Variants in RSPO2 observed in about 807,000 individuals in gnomAD.
The protein encoded by RSPO2 is R-spondin 2, also known as R-spondin-2.
A neutral mutation model predicts 30.9 loss-of-function variants in RSPO2; 14 were observed. The observed-to-expected ratio is 0.45, with a 90% CI of 0.30 to 0.71. RSPO2 has a LOEUF of 0.71. Ranked by LOEUF, RSPO2 falls within the 30% of genes least tolerant of loss-of-function variation. RSPO2 has a pLI of 0.08. For missense variants in RSPO2, 264 were observed against 301.9 expected, an observed-to-expected ratio of 0.87 and a Z score of 0.93; for synonymous variants, 107 against 96.4, an observed-to-expected ratio of 1.11 and a Z score of -0.64.
intron 2 of RSPO2, among the ~76,000 whole-genome samples, chr8:108,080,427 T>G (rs895761084): frequency 6.6e-6 from 1 of 152,238 alleles, no homozygotes; most frequent in African/African-American, 2.4e-5. Context: ...AAGGTTGATT[T>G]GGCATAAGTT....
At chr8:108,071,192 C>T (rs1586678533) in intron 2 of RSPO2, among the ~76,000 whole-genome samples, 1 of 152,192 alleles carries the variant, frequency 6.6e-6, no homozygotes. Context: ...AATTAAATTA[C>T]ACTAAACTTA....
intron 3 of RSPO2, among the ~76,000 whole-genome samples, chr8:107,967,893 GCT>G (rs1182740297): frequency 6.6e-6 from 1 of 152,094 alleles, no homozygotes; most frequent in African/African-American, 2.4e-5. Context: ...AGTCAGTGAA[GCT>G]CTCTTTGTCT....
chr8:108,033,240 T>C (rs1302718310), intron 2 of RSPO2, among the ~76,000 whole-genome samples: 1 of 152,126 alleles, frequency 6.6e-6, no homozygotes, highest in East Asian at 1.9e-4. Context: ...AAATTATTGA[T>C]CACCACCACC....
In RSPO2 at chr8:108,070,317, G is replaced by A. The variant is rs369864721; in HGVS notation, c.94+12228C>T. 8.3e-4 allele frequency among the ~76,000 whole-genome samples: 99 copies of A among 119,306 alleles called. 1 individual carries two copies. In the South Asian group the frequency reaches 0.025, roughly 30 times the overall value. The allele number at this position is 119,306 out of a possible 152,430, so 78.3% of individuals were successfully genotyped here. A position where few individuals can be genotyped will look rare whatever the true frequency, so the allele number is the denominator to read the frequency against. On this transcript the variant is annotated intron_variant, in intron 2 of 5. Coordinates refer to ENST00000276659, the MANE Select transcript of RSPO2 (RefSeq NM_178565.5). ...TTTTTTTTTTTTGAGACAGAGTCTC[G>A]CTCTGTCGCCCAGGCCGGACTGCGG...
chr8:108,054,765 G>T (rs1812190278), intron 2 of RSPO2, among the ~76,000 whole-genome samples: 4 of 152,252 alleles, frequency 2.6e-5, no homozygotes, highest in Admixed American at 2.0e-4. Flanking sequence ...TCCATTTTGT[G>T]CCCTAAGGCC....
chr8:107,987,330 T>C (rs1034293336), intron 3 of RSPO2, among the ~76,000 whole-genome samples: 1 of 152,224 alleles, frequency 6.6e-6, no homozygotes, highest in African/African-American at 2.4e-5. Context: ...AGAATTATCT[T>C]AAAGCAATCT....
chr8:107,947,815 A>T (rs1013061085), intron 5 of RSPO2, among the ~76,000 whole-genome samples: 2 of 152,210 alleles, frequency 1.3e-5, no homozygotes, highest in African/African-American at 2.4e-5. Context: ...CCATGGACAC[A>T]CTTCAGTCAG....
chr8:107,977,012 G>C (rs1033993337), intron 3 of RSPO2, among the ~76,000 whole-genome samples: 2 of 152,146 alleles, frequency 1.3e-5, no homozygotes, highest in Admixed American at 6.5e-5. Context: ...GAAAGTGTGG[G>C]AGGCAGAGAA....
At chr8:107,929,579 C>G (rs949593733) in intron 5 of RSPO2, among the ~76,000 whole-genome samples, 1 of 152,120 alleles carries the variant, frequency 6.6e-6, no homozygotes, top group African/African-American at 2.4e-5. Flanking sequence ...TAACTACAAG[C>G]TTGGAGAGCT....
In RSPO2 at chr8:107,900,093, A is replaced by G. The variant is rs950424278; in HGVS notation, c.*982T>C. ...CTGTAGCTGGCCTGTGAAACTGGCT[A>G]CAAGTGACTGGATATAGTCCCTCAT... On this transcript the variant is annotated 3_prime_UTR_variant, in exon 6 of 6. Transcript: ENST00000276659. 2 of 152,218 alleles carry G rather than the reference A, an allele frequency of 1.3e-5. No individual in the cohort carries two copies. The highest frequency in any genetic ancestry group is 1.9e-4 in the East Asian group (1 of 5,196). The allele number at this position is 152,218 out of a possible 1,614,324, so 9.4% of individuals were successfully genotyped here.
At chr8:108,050,312 G>T (rs549381300) in intron 2 of RSPO2, among the ~76,000 whole-genome samples, 4 of 152,052 alleles carry the variant, frequency 2.6e-5, no homozygotes, top group African/African-American at 9.7e-5. Flanking sequence ...GGTATGGATC[G>T]GTTAATTATA....
chr8:107,952,136 G>A (rs913286107), intron 5 of RSPO2, among the ~76,000 whole-genome samples: 1 of 152,138 alleles, frequency 6.6e-6, no homozygotes. Flanking sequence ...CCCTGACGCA[G>A]GAATTTCAGA....
chr8:107,967,486 C>T (rs749818953), intron 3 of RSPO2, among the ~76,000 whole-genome samples: 14 of 151,844 alleles, frequency 9.2e-5, no homozygotes, highest in Non-Finnish European at 1.6e-4. Flanking sequence ...TTTTGTAATA[C>T]AGTCAAGTAA....
At chr8:107,963,438 C>G (rs541797127) in intron 3 of RSPO2, among the ~76,000 whole-genome samples, 1 of 136,106 alleles carries the variant, frequency 7.3e-6, no homozygotes, top group Non-Finnish European at 1.5e-5. Flanking sequence ...GCAGGAGGAT[C>G]ACTTGAGCCC....
intron 2 of RSPO2, among the ~76,000 whole-genome samples, chr8:107,992,670 T>C (rs548938350): frequency 6.6e-6 from 1 of 152,132 alleles, no homozygotes; most frequent in African/African-American, 2.4e-5. Context: ...CAAGTCTACA[T>C]CTAAATGCAG....
intron 2 of RSPO2, among the ~76,000 whole-genome samples, chr8:108,064,350 A>G (rs902937740): frequency 1.3e-5 from 2 of 152,198 alleles, no homozygotes; most frequent in Admixed American, 1.3e-4. Context: ...ACCCCATCCA[A>G]AAGTGGGCAA....
chr8:107,906,165 T>C (rs1182900043), intron 5 of RSPO2, among the ~76,000 whole-genome samples: 1 of 151,844 alleles, frequency 6.6e-6, no homozygotes, highest in Non-Finnish European at 1.5e-5. Context: ...AACTTTTGAC[T>C]CAGATCTAGG....
At chr8:107,911,531 C>G (rs1347300558) in intron 5 of RSPO2, among the ~76,000 whole-genome samples, 1 of 152,102 alleles carries the variant, frequency 6.6e-6, no homozygotes, top group Non-Finnish European at 1.5e-5. Context: ...AACAATGATG[C>G]CTGCTTCAGC....
At chr8:108,014,080 CAT>C (rs1810792544) in intron 2 of RSPO2, among the ~76,000 whole-genome samples, 1 of 152,204 alleles carries the variant, frequency 6.6e-6, no homozygotes, top group South Asian at 2.1e-4. Flanking sequence ...AGCCAAGAAA[CAT>C]ATGAAAAAAC....
Sources: allele counts gnomAD v4.1 joint callset (sites outside exome capture counted in the v4.1 genomes callset), GRCh38; gene constraint gnomAD v4.1.1; transcripts MANE v1.5; gene names NCBI Gene and HGNC (gene_info 2026-07-23, HGNC 2026-07-21).